Variants in CBL observed in about 807,000 individuals in gnomAD.
CBL encodes E3 ubiquitin-protein ligase CBL.
In CBL, 45 loss-of-function variants were observed where a neutral mutation model predicts 96.9. That is an observed-to-expected ratio of 0.46 (90% CI 0.37 to 0.60). The LOEUF (loss-of-function observed/expected upper bound fraction) is 0.60, where lower values mean the gene tolerates loss of function less well. Ranked by LOEUF, CBL falls within the 20% of genes least tolerant of loss-of-function variation. The pLI is 0.00. For synonymous variants in CBL, 420 were observed against 426.8 expected, an observed-to-expected ratio of 0.98 and a Z score of 0.20; for missense variants, 1,024 against 1,143.5, an observed-to-expected ratio of 0.90 and a Z score of 1.51.
chr11:119,274,043 T>TA lies in CBL; in HGVS notation c.747+19_747+20insA, dbSNP rs1949869142. Reference sequence around the variant, plus strand: ...CTTTCAGGTAGGACACTAAAAAAGTTGACTAAACTGGTTACTGCTACTTCG... The same window carrying TA: ...CTTTCAGGTAGGACACTAAAAAAGTTAGACTAAACTGGTTACTGCTACTTCG... On this transcript the variant is annotated intron_variant, in intron 4 of 15. Transcript: ENST00000264033. 3.1e-6 allele frequency: 5 copies of TA among 1,604,312 alleles called. No individual in the cohort carries two copies. Among genetic ancestry groups the TA allele is most frequent in the Non-Finnish European group, 4.3e-6 (5 of 1,172,024 alleles).
chr11:119,241,679 A>T (rs1178473242), intron 2 of CBL, among the ~76,000 whole-genome samples: 1 of 152,184 alleles, frequency 6.6e-6, no homozygotes, highest in Non-Finnish European at 1.5e-5. Flanking sequence ...CTGGTAGGTA[A>T]TGGCAGTTTA....
At chr11:119,212,228 G>A (rs1565853440) in intron 1 of CBL, among the ~76,000 whole-genome samples, 1 of 152,062 alleles carries the variant, frequency 6.6e-6, no homozygotes, top group Non-Finnish European at 1.5e-5. Context: ...TTATATAATT[G>A]AAACATTAAG....
At chr11:119,258,024 C>T (rs181009557) in intron 2 of CBL, among the ~76,000 whole-genome samples, 3 of 151,906 alleles carry the variant, frequency 2.0e-5, no homozygotes, top group Non-Finnish European at 2.9e-5. Context: ...GTCAGGAGTT[C>T]GAGACCACCC....
chr11:119,211,178 C>A (rs1453178228), intron 1 of CBL, among the ~76,000 whole-genome samples: 1 of 152,022 alleles, frequency 6.6e-6, no homozygotes, highest in Non-Finnish European at 1.5e-5. Flanking sequence ...TCGAGACCAG[C>A]CTGGCCAAAA....
intron 1 of CBL, among the ~76,000 whole-genome samples, chr11:119,232,075 C>T (rs949973877): frequency 6.6e-6 from 1 of 152,060 alleles, no homozygotes; most frequent in African/African-American, 2.4e-5. Context: ...CCACTCCAAC[C>T]GTGAGACCCT....
intron 12 of CBL, among the ~76,000 whole-genome samples, chr11:119,292,200 T>C (rs1359423982): frequency 1.3e-5 from 2 of 152,116 alleles, no homozygotes; most frequent in African/African-American, 4.8e-5. Context: ...TCCGTAAGTT[T>C]GGTAAAGTTT....
At chr11:119,293,871 G>A (rs900020979) in intron 12 of CBL, among the ~76,000 whole-genome samples, 1 of 152,166 alleles carries the variant, frequency 6.6e-6, no homozygotes, top group African/African-American at 2.4e-5. Context: ...TGGTAACTAA[G>A]TTTCCAACAT....
At chr11:119,211,503 C>T (rs1949318666) in intron 1 of CBL, among the ~76,000 whole-genome samples, 1 of 151,986 alleles carries the variant, frequency 6.6e-6, no homozygotes, top group African/African-American at 2.4e-5. Context: ...ATTGTTACAA[C>T]TCTTTTTATT....
At chr11:119,253,674 A>G (rs1165834986) in intron 2 of CBL, among the ~76,000 whole-genome samples, 1 of 147,980 alleles carries the variant, frequency 6.8e-6, no homozygotes, top group Admixed American at 6.8e-5. Flanking sequence ...CTTAATAATA[A>G]TAATAATAAT....
chr11:119,283,621 C>CT (rs1410071154), intron 9 of CBL, among the ~76,000 whole-genome samples: 4 of 36,488 alleles, frequency 1.1e-4, no homozygotes, highest in Non-Finnish European at 2.4e-4. Context: ...CTTTTTAATT[C>CT]TTTCTTTTTT....
chr11:119,218,260 C>A (rs1416330034), intron 1 of CBL, among the ~76,000 whole-genome samples: 1 of 152,024 alleles, frequency 6.6e-6, no homozygotes, highest in Admixed American at 6.6e-5. Context: ...CTCTGGGAAC[C>A]CTCTATGCTA....
chr11:119,258,472 CTA>C (rs1246189430), intron 2 of CBL, among the ~76,000 whole-genome samples: 1 of 152,118 alleles, frequency 6.6e-6, no homozygotes, highest in Non-Finnish European at 1.5e-5. Flanking sequence ...CCTGAGAACT[CTA>C]TCACTGTATA....
At chr11:119,270,045 T>A (rs1296268176) in intron 2 of CBL, among the ~76,000 whole-genome samples, 6 of 152,136 alleles carry the variant, frequency 3.9e-5, no homozygotes, top group Non-Finnish European at 7.3e-5. Flanking sequence ...AATAAACTTT[T>A]GAATACATAA....
intron 9 of CBL, among the ~76,000 whole-genome samples, chr11:119,283,625 CTTTTTTTTTTTTTTTTTTTT>C (rs398017760): frequency 2.2e-5 from 1 of 45,512 alleles, no homozygotes; most frequent in African/African-American, 7.8e-5. Context: ...TTAATTCTTT[CTTTTTTTTTTTTTTTTTTTT>C]TTTTTTTTTT....
At chr11:119,299,351 G>A (rs1950083956) in intron 15 of CBL, 144 bp from the exon 16 acceptor site, 2 of 745,836 alleles carry the variant, frequency 2.7e-6, no homozygotes, top group Non-Finnish European at 2.2e-6. Flanking sequence ...CCTTGAACCT[G>A]TAAAACCCAG....
intron 2 of CBL, among the ~76,000 whole-genome samples, chr11:119,258,776 G>A (rs1348296033): frequency 6.6e-6 from 1 of 151,996 alleles, no homozygotes; most frequent in Non-Finnish European, 1.5e-5. Context: ...TTTTGGTTCC[G>A]TATGAATTTT....
At chr11:119,281,193 C>G (rs954093990) in intron 9 of CBL, among the ~76,000 whole-genome samples, 1 of 152,304 alleles carries the variant, frequency 6.6e-6, no homozygotes, top group East Asian at 1.9e-4. Context: ...GGTGTCCCCT[C>G]GCCATCCTCA....
chr11:119,265,061 T>C (rs1226898243), intron 2 of CBL, among the ~76,000 whole-genome samples: 1 of 151,890 alleles, frequency 6.6e-6, no homozygotes, highest in African/African-American at 2.4e-5. Flanking sequence ...GCATTTTTTG[T>C]ATAGATGGGG....
chr11:119,216,364 A>ATTTG, intron 1 of CBL, among the ~76,000 whole-genome samples: 1 of 150,476 alleles, frequency 6.6e-6, no homozygotes, highest in East Asian at 1.9e-4. Flanking sequence ...TTATTTATTT[A>ATTTG]TTTATTTATT....
Sources: gnomAD v4.1 joint callset for allele counts (sites outside exome capture counted in the v4.1 genomes callset) on GRCh38, gnomAD v4.1.1 for gene constraint, MANE v1.5 for transcripts, NCBI Gene and HGNC (gene_info 2026-07-23, HGNC 2026-07-21) for gene names.